Variants in COL2A1 observed in about 807,000 individuals in gnomAD.
COL2A1 encodes the protein collagen type II alpha 1 chain, also known as collagen alpha-1(II) chain.
Under a neutral mutation model 204.5 loss-of-function variants are expected in COL2A1, and 28 were observed. The observed-to-expected ratio is 0.14, with a 90% CI of 0.10 to 0.19. The LOEUF (loss-of-function observed/expected upper bound fraction) is 0.19, where lower values mean the gene tolerates loss of function less well. COL2A1 is among the 10% of genes least tolerant of loss of function. The probability of loss-of-function intolerance (pLI) is 1.00; values close to 1 mark genes in which losing one functional copy is unlikely to be tolerated. For synonymous variants in COL2A1, 708 were observed against 718.7 expected, an observed-to-expected ratio of 0.99 and a Z score of 0.24; for missense variants, 1,388 against 2,027.5, an observed-to-expected ratio of 0.68 and a Z score of 6.06.
At position 47,976,056 on chromosome 12, in the gene COL2A1, G is replaced by C. The variant is rs369451393; in HGVS notation, c.3504C>G (p.Pro1168=). The C allele has an allele frequency of 1.9e-6, 3 of 1,612,174 alleles. No homozygotes were observed. The highest frequency in any genetic ancestry group is 1.7e-6 in the Non-Finnish European group (2 of 1,178,466). ...CACCATCTTTGCCAGAGGGACCGAC[G>C]GGGCCAGGAGGACCCTGCAAGAGAG... The part of the protein sequence containing the change: ...GPSGPRGPPG[P]VGPSGKDGAN... The change falls in exon 50 of 54, where the codon CCC becomes CCG. Residue 1168 remains proline (P), a synonymous_variant. Transcript: ENST00000380518. The surrounding 1 kb of genome is among the most constrained non-coding windows in gnomAD (Gnocchi z 4.3).
In COL2A1 at chr12:47,978,530, G is replaced by C; in HGVS notation, c.2895+67C>G. On this transcript the variant is annotated intron_variant, in intron 42 of 53. Transcript: ENST00000380518. The surrounding 1 kb of genome is among the most constrained non-coding windows in gnomAD (Gnocchi z 5.5). The stretch of plus-strand genomic sequence containing the variant: ...CCTGCTCCCTCCTACCCCATGCTCT[G>C]TGAGCTCAGAAGCCACTCACGACCC... 1 of 1,604,154 alleles carries C rather than the reference G, an allele frequency of 6.2e-7. No homozygotes were observed. The highest frequency in any genetic ancestry group is 8.5e-7 in the Non-Finnish European group (1 of 1,173,960).
At position 47,995,316 on chromosome 12, in the gene COL2A1, C is replaced by A. The variant is rs200757693; in HGVS notation, c.709-8G>T. On this transcript the variant is annotated splice_polypyrimidine_tract_variant and splice_region_variant and intron_variant, in intron 10 of 53. Coordinates refer to ENST00000380518, the MANE Select transcript of COL2A1 (RefSeq NM_001844.5). The stretch of plus-strand genomic sequence containing the variant: ...ACGGGGACCCATGGGACCCTACAAA[C>A]AAAGGAAGATAGTTTAAGAGATGGT... 1.9e-4 allele frequency: 300 copies of A among 1,612,470 alleles called. No individual in the cohort carries two copies. The African/African-American group carries it at 3.4e-3, about 18-fold the overall frequency.
chr12:47,999,634 A>ACTTTTT (rs777963294), intron 2 of COL2A1: 2 of 154,296 alleles, frequency 1.3e-5, no homozygotes, highest in East Asian at 5.1e-4. Flanking sequence ...TTCAGAGAGG[A>ACTTTTT]TTTTTTTTTT....
At chr12:47,977,718 C>T in intron 44 of COL2A1, 65 bp from the exon 45 acceptor site, 1 of 1,539,350 alleles carries the variant, frequency 6.5e-7, no homozygotes. Flanking sequence ...TCTGCTCCCC[C>T]AGCCCCTCTC....
chr12:47,973,680 G>A, intron 53 of COL2A1, 127 bp from the exon 54 acceptor site: 1 of 1,112,796 alleles, frequency 9.0e-7, no homozygotes. Context: ...CACACTGAGG[G>A]GGCTCCTGAG....
At chr12:47,985,422 T>C in intron 26 of COL2A1, 112 bp downstream of exon 26, 1 of 1,154,952 alleles carries the variant, frequency 8.7e-7, no homozygotes, top group Non-Finnish European at 1.3e-6. Context: ...GTCACAATTC[T>C]CAAAATTCAC....
At chr12:47,981,200 C>T in intron 37 of COL2A1, 143 bp downstream of exon 37, 1 of 982,922 alleles carries the variant, frequency 1.0e-6, no homozygotes, top group Non-Finnish European at 1.6e-6. Context: ...TCTCCTCCCA[C>T]CCTAGACCCA....
At chr12:47,983,295 C>G (rs1939198924) in intron 31 of COL2A1, 90 bp downstream of exon 31, 7 of 1,507,100 alleles carry the variant, frequency 4.6e-6, no homozygotes. Flanking sequence ...CCTCACAGGG[C>G]TCCTCATGCC....
intron 17 of COL2A1, 134 bp from the exon 18 acceptor site, chr12:47,989,415 G>T: frequency 1.2e-6 from 1 of 851,770 alleles, no homozygotes; most frequent in Non-Finnish European, 2.0e-6. Context: ...AAAAGGCCTT[G>T]GATGAAAATT....
In COL2A1 at chr12:47,974,836, C is replaced by T; in HGVS notation, c.3913G>A (p.Gly1305Ser). ...SGDYWIDPNQGCTLDAMKVFC... is the reference protein window; with the variant it reads ...SGDYWIDPNQSCTLDAMKVFC... ...ACCTTCATGGCGTCCAAGGTGCAGC[C>T]TTGGTTGGGGTCAATCCAGTAGTCT... Residue 1305 changes from glycine to serine, a missense_variant, in exon 52 of 54, where the codon GGC becomes AGC. Gly to Ser is a moderately conservative substitution (Grantham distance 56). Around this residue, in one of 3 missense-constraint regions of COL2A1, gnomAD observed 303 missense variants for 369.2 expected, o/e 0.82. Transcript: ENST00000380518. 6.2e-7 allele frequency: 1 copy of T among 1,614,124 alleles called. No homozygotes were observed. The highest frequency in any genetic ancestry group is 8.5e-7 in the Non-Finnish European group (1 of 1,179,988).
In COL2A1 at chr12:47,999,931, C is replaced by T. The variant is rs768931460; in HGVS notation, c.280G>A (p.Ala94Thr). The T allele has an allele frequency of 1.4e-5, 23 of 1,613,782 alleles. No homozygotes were observed. The highest frequency in any genetic ancestry group is 1.3e-4 in the East Asian group (6 of 44,896). ...AATAAATTACAACCACTGGCAGTGGCGAGGTCAGTTGGGCAGATGGGGCAG... is the reference window on the plus strand; with the variant it reads ...AATAAATTACAACCACTGGCAGTGGTGAGGTCAGTTGGGCAGATGGGGCAG... ...ECCPICPTDL[A>T]TASGQPGPKG... is the part of the protein sequence containing the mutation. Residue 94 changes from alanine to threonine, a missense_variant, in exon 2 of 54, where the codon GCC (alanine) becomes ACC (threonine). Ala to Thr is a moderately conservative substitution (Grantham distance 58). Transcript: ENST00000380518.
intron 41 of COL2A1, among the ~76,000 whole-genome samples, chr12:47,979,233 T>C (rs1938903196): frequency 6.6e-6 from 1 of 152,050 alleles, no homozygotes; most frequent in Non-Finnish European, 1.5e-5. Context: ...GCACAGAACA[T>C]GCTCAAGAAA....
intron 26 of COL2A1, 150 bp from the exon 27 acceptor site, chr12:47,985,243 C>T: frequency 1.4e-6 from 1 of 731,198 alleles, no homozygotes; most frequent in Admixed American, 2.1e-5. Context: ...ACCCATGGGC[C>T]CATCTACAAC....
At chr12:47,975,684 CTAGAGTG>C in intron 50 of COL2A1, 79 bp from the exon 51 acceptor site, 1 of 1,486,574 alleles carries the variant, frequency 6.7e-7, no homozygotes, top group Non-Finnish European at 9.1e-7. Flanking sequence ...CTAGAATGTA[CTAGAGTG>C]TCCCTCTTCC....
chr12:47,994,054 T>C lies in COL2A1; in HGVS notation c.817-7A>G, dbSNP rs1939831738. On this transcript the variant is annotated splice_region_variant and splice_polypyrimidine_tract_variant and intron_variant, in intron 12 of 53. Coordinates refer to ENST00000380518, the MANE Select transcript of COL2A1 (RefSeq NM_001844.5). The stretch of plus-strand genomic sequence containing the variant: ...CTGGGAAACCACGAGCACCCTGCAA[T>C]CCAAAGTGGAGGTGTTCAGAGCACA... 6.2e-7 allele frequency: 1 copy of C among 1,613,918 alleles called. No homozygotes were observed. Among genetic ancestry groups the C allele is most frequent in the African/African-American group, 1.3e-5 (1 of 75,004 alleles).
Position 47,998,021 on chromosome 12 carries a change from C to G in COL2A1, c.375+11G>C. 1.2e-6 allele frequency: 2 copies of G among 1,614,210 alleles called. No individual in the cohort carries two copies. Among genetic ancestry groups the G allele is most frequent in the Non-Finnish European group, 1.7e-6 (2 of 1,180,046 alleles). On this transcript the variant is annotated intron_variant, in intron 5 of 53. Coordinates refer to ENST00000380518, the MANE Select transcript of COL2A1 (RefSeq NM_001844.5). ...GGAAGGGACGGAGAAAGAGATTTCT[C>G]CCTCTCTTACCTGAGGCCCAGGAGG...
chr12:47,981,689 G>A, intron 36 of COL2A1, 87 bp downstream of exon 36: 2 of 1,402,732 alleles, frequency 1.4e-6, no homozygotes, highest in Non-Finnish European at 2.0e-6. Flanking sequence ...TGGTGAGGGA[G>A]GACAAGACAG....
At chr12:47,979,594 C>T in intron 40 of COL2A1, 30 bp from the exon 41 acceptor site, 2 of 1,600,446 alleles carry the variant, frequency 1.2e-6, no homozygotes, top group Non-Finnish European at 1.7e-6. Flanking sequence ...CCCCTGAGAA[C>T]CTCAAGCCCT....
chr12:47,978,563 A>G lies in COL2A1; in HGVS notation c.2895+34T>C, dbSNP rs964290837. 3.1e-6 allele frequency: 5 copies of G among 1,612,984 alleles called. No individual in the cohort carries two copies. Among genetic ancestry groups the G allele is most frequent in the Non-Finnish European group, 4.2e-6 (5 of 1,179,740 alleles). On this transcript the variant is annotated intron_variant, in intron 42 of 53. Transcript: ENST00000380518. The surrounding 1 kb of genome is among the most constrained non-coding windows in gnomAD (Gnocchi z 5.5). ...AGAAGCCACTCACGACCCTGCTCCCAGGGACCTTGGCATGGGCCTGGTGAG... is the reference window on the plus strand; with the variant it reads ...AGAAGCCACTCACGACCCTGCTCCCGGGGACCTTGGCATGGGCCTGGTGAG...
Sources: allele counts gnomAD v4.1 joint callset (sites outside exome capture counted in the v4.1 genomes callset), GRCh38; gene constraint gnomAD v4.1.1; regional missense constraint gnomAD v4.1.1; non-coding constraint Gnocchi (gnomAD v3.1); transcripts MANE v1.5; gene names NCBI Gene and HGNC (gene_info 2026-07-23, HGNC 2026-07-21).